The following MYO3B variants were observed in gnomAD, a reference collection of about 807,000 sequenced individuals.
MYO3B encodes myosin IIIB, also known as myosin-IIIb.
Under a neutral mutation model 174.6 loss-of-function variants are expected in MYO3B, and 156 were observed. The ratio of observed to expected loss-of-function variants is 0.89; its 90% CI spans 0.78 to 1.02. The LOEUF (loss-of-function observed/expected upper bound fraction) is 1.02. Ranked by LOEUF, MYO3B falls within the 50% of genes least tolerant of loss-of-function variation. The probability of loss-of-function intolerance (pLI) is 0.00; values close to 1 mark genes in which losing one functional copy is unlikely to be tolerated. For missense variants in MYO3B, 1,632 were observed against 1,639.4 expected (o/e 1.00, Z 0.08); for synonymous variants, 563 against 569.1 (o/e 0.99, Z 0.15).
rs750438385 is a variant in MYO3B at position 170,515,003 on chromosome 2, C to A, written c.3453C>A (p.Ser1151Arg). 4 of 1,613,852 alleles carry A rather than the reference C, an allele frequency of 2.5e-6. No homozygotes were observed. The highest frequency in any genetic ancestry group is 3.4e-6 in the Non-Finnish European group (4 of 1,179,844). ...TRGSAEVQDC[S>R]EPGDHKVLRG... The stretch of plus-strand genomic sequence containing the variant: ...GAAGTGCCGAGGTTCAAGACTGCAG[C>A]GAGCCTGGTGACCATAAAGGTAGAG... The change falls in exon 29 of 35, where the codon AGC (serine) becomes AGA (arginine). Residue 1151 changes from serine to arginine, a missense_variant. Transcript: ENST00000408978.
chr2:170,407,688 A>C, intron 21 of MYO3B, 27 bp from the exon 22 acceptor site: 1 of 1,607,804 alleles, frequency 6.2e-7, no homozygotes, highest in Non-Finnish European at 8.5e-7. Flanking sequence ...GACTTGGCTA[A>C]TTTGCCGTTT....
intron 8 of MYO3B, among the ~76,000 whole-genome samples, chr2:170,357,667 A>G (rs1397368247): frequency 1.3e-5 from 2 of 152,132 alleles, no homozygotes; most frequent in Non-Finnish European, 2.9e-5. Context: ...ACAAGATGGA[A>G]TATTTTAAAA....
In MYO3B at chr2:170,607,985, G is replaced by A. The variant is rs537095118; in HGVS notation, c.3734-43643G>A. Among the ~76,000 whole-genome samples, 26 of 152,276 alleles carry A rather than the reference G, an allele frequency of 1.7e-4. No homozygotes were observed. The South Asian group carries it at 4.8e-3, about 28-fold the overall frequency. ...ATATAATTAGGGGTCACTGACTTTC[G>A]ATGTTCTGTTTTAAGTTTGTACACT... On this transcript the variant is annotated intron_variant, in intron 32 of 34. Coordinates refer to ENST00000408978, the MANE Select transcript of MYO3B (RefSeq NM_138995.5).
chr2:170,635,801 C>G (rs531304404), intron 32 of MYO3B, among the ~76,000 whole-genome samples: 11 of 151,870 alleles, frequency 7.2e-5, no homozygotes, highest in Non-Finnish European at 1.5e-4. Flanking sequence ...GAGGAGATAT[C>G]CAAAGGTCTA....
chr2:170,359,393 C>T (rs565901813), intron 8 of MYO3B, among the ~76,000 whole-genome samples: 1 of 151,758 alleles, frequency 6.6e-6, no homozygotes, highest in South Asian at 2.1e-4. Flanking sequence ...AATGAATTCA[C>T]TCCTTCCCTC....
rs572064515 is a variant in MYO3B at position 170,216,677 on chromosome 2, G to A, written c.527-642G>A. Among the ~76,000 whole-genome samples, 24 of 152,268 alleles carry A rather than the reference G, an allele frequency of 1.6e-4. No individual in the cohort carries two copies. The South Asian group carries it at 5.0e-3, about 32-fold the overall frequency. ...GCCAGGTTTCCAGGCTTCTAGGCAA[G>A]ATAAGGCACTGAAATCTTTTTATGT... On this transcript the variant is annotated intron_variant, in intron 5 of 34. Transcript: ENST00000408978.
Position 170,211,394 on chromosome 2 carries a change from C to A in MYO3B, c.322-2985C>A, listed in dbSNP as rs573172087. Among the ~76,000 whole-genome samples the A allele has an allele frequency of 2.2e-4, 34 of 152,342 alleles. No individual in the cohort carries two copies. In the Middle Eastern group the frequency reaches 0.01, roughly 46 times the overall value. On this transcript the variant is annotated intron_variant, in intron 3 of 34. Coordinates refer to ENST00000408978, the MANE Select transcript of MYO3B (RefSeq NM_138995.5). Reference sequence around the variant, plus strand: ...AAATCCTTTTAACTCCCTTATTACCCGATTTTAGCCATGCCAAGCAGCTAG... The same window carrying A: ...AAATCCTTTTAACTCCCTTATTACCAGATTTTAGCCATGCCAAGCAGCTAG...
intron 25 of MYO3B, among the ~76,000 whole-genome samples, chr2:170,471,566 A>T (rs1252959031): frequency 6.6e-6 from 1 of 152,098 alleles, no homozygotes; most frequent in African/African-American, 2.4e-5. Flanking sequence ...TTTGGATTTA[A>T]TTTTTTGTAT....
chr2:170,534,858 A>G (rs1344884355), intron 30 of MYO3B, among the ~76,000 whole-genome samples: 1 of 152,198 alleles, frequency 6.6e-6, no homozygotes, highest in African/African-American at 2.4e-5. Context: ...AAATCTACCA[A>G]GTGTTTATAG....
intron 8 of MYO3B, among the ~76,000 whole-genome samples, chr2:170,368,989 A>G (rs533756545): frequency 6.6e-6 from 1 of 152,340 alleles, no homozygotes; most frequent in South Asian, 2.1e-4. Flanking sequence ...TGTGTTTTCA[A>G]CTTTGCTTAA....
chr2:170,400,358 T>C, intron 17 of MYO3B, 44 bp downstream of exon 17: 1 of 1,609,994 alleles, frequency 6.2e-7, no homozygotes, highest in South Asian at 1.1e-5. Flanking sequence ...CCAAAGCACG[T>C]GCTTCTTTAG....
intron 3 of MYO3B, among the ~76,000 whole-genome samples, chr2:170,207,467 C>T (rs993322546): frequency 6.6e-6 from 1 of 152,122 alleles, no homozygotes; most frequent in African/African-American, 2.4e-5. Context: ...AAGAGGGAGG[C>T]CAAAAGCCCA....
intron 32 of MYO3B, among the ~76,000 whole-genome samples, chr2:170,554,985 C>A (rs567678365): frequency 1.3e-5 from 2 of 152,318 alleles, no homozygotes; most frequent in African/African-American, 4.8e-5. Context: ...TTAAAGGATT[C>A]TTTCAACTTT....
intron 23 of MYO3B, among the ~76,000 whole-genome samples, chr2:170,456,131 G>A (rs1371052781): frequency 6.6e-6 from 1 of 152,174 alleles, no homozygotes; most frequent in East Asian, 1.9e-4. Flanking sequence ...CTTCTTAAGG[G>A]AGAGGGAGAT....
At chr2:170,487,808 A>G (rs1042762247) in intron 25 of MYO3B, among the ~76,000 whole-genome samples, 1 of 152,204 alleles carries the variant, frequency 6.6e-6, no homozygotes, top group Non-Finnish European at 1.5e-5. Context: ...TCCCCAGTGT[A>G]AAAATGCAGG....
chr2:170,525,591 G>A (rs1028124489), intron 30 of MYO3B, among the ~76,000 whole-genome samples: 5 of 152,176 alleles, frequency 3.3e-5, no homozygotes, highest in Non-Finnish European at 5.9e-5. Flanking sequence ...AAGCTGCTTC[G>A]TTATGGGCCC....
At chr2:170,482,001 A>T (rs547593623) in intron 25 of MYO3B, among the ~76,000 whole-genome samples, 2 of 152,210 alleles carry the variant, frequency 1.3e-5, no homozygotes, top group Non-Finnish European at 2.9e-5. Flanking sequence ...TCCTCACCCA[A>T]GTCTCATCTT....
chr2:170,525,322 G>A (rs758456435), intron 30 of MYO3B, among the ~76,000 whole-genome samples: 4 of 152,146 alleles, frequency 2.6e-5, no homozygotes, highest in Non-Finnish European at 2.9e-5. Context: ...ATGCCAAAAT[G>A]GAAATAGTCT....
chr2:170,318,697 C>A (rs910812979), intron 7 of MYO3B, among the ~76,000 whole-genome samples: 12 of 152,094 alleles, frequency 7.9e-5, no homozygotes, highest in African/African-American at 2.9e-4. Context: ...GCAGAGAAGA[C>A]GTATATAAAT....
Sources: gnomAD v4.1 joint callset for allele counts (sites outside exome capture counted in the v4.1 genomes callset) on GRCh38, gnomAD v4.1.1 for gene constraint, MANE v1.5 for transcripts, NCBI Gene and HGNC (gene_info 2026-07-23, HGNC 2026-07-21) for gene names.